CUX1: variants seen among roughly 807,000 people sequenced by gnomAD.
CUX1 encodes the protein cut like homeobox 1.
CUX1 carries 31 observed loss-of-function variants against 158.8 expected under a neutral mutation model. The ratio of observed to expected loss-of-function variants is 0.20; its 90% confidence interval spans 0.15 to 0.26. The LOEUF is 0.26. CUX1 is among the 10% of genes least tolerant of loss of function. The pLI is 1.00. For missense variants in CUX1, 1,589 were observed against 2,014.6 expected (o/e 0.79, Z 4.04); for synonymous variants, 879 against 862.1 (o/e 1.02, Z -0.34).
Position 102,163,420 on chromosome 7 carries a change from C to T in CUX1, c.723+4812C>T, listed in dbSNP as rs535540176. Among the ~76,000 whole-genome samples the T allele has an allele frequency of 8.6e-5, 13 of 152,024 alleles. No homozygotes were observed. In the South Asian group the frequency reaches 2.7e-3, roughly 32 times the overall value. On this transcript the variant is annotated intron_variant, in intron 9 of 23. Coordinates refer to ENST00000292535, the MANE Select transcript of CUX1 (RefSeq NM_181552.4). ...CTGAGATGGGAGGATCTCTTGGGCCCGAGAGTTCAAAACCAACACCAGAGA... is the reference window on the plus strand; with the variant it reads ...CTGAGATGGGAGGATCTCTTGGGCCTGAGAGTTCAAAACCAACACCAGAGA...
chr7:101,932,757 A>G (rs1806429242), intron 2 of CUX1: 3 of 387,260 alleles, frequency 7.7e-6, no homozygotes, highest in South Asian at 3.8e-5. Flanking sequence ...AAGAAAAAAT[A>G]CTGTTTCACT....
At position 101,830,272 on chromosome 7, in the gene CUX1, G is replaced by T. The variant is rs527519224; in HGVS notation, c.30+12603G>T. 6.6e-5 allele frequency among the ~76,000 whole-genome samples: 10 copies of T among 152,320 alleles called. No individual in the cohort carries two copies. The South Asian group carries it at 2.1e-3, about 32-fold the overall frequency. On this transcript the variant is annotated intron_variant, in intron 1 of 23. Transcript: ENST00000292535. Reference sequence around the variant, plus strand: ...GGCAGCACCCACCACGCAGGCTTCTGTTCTGAGCTACATGGGATGTTGGGC... The same window carrying T: ...GGCAGCACCCACCACGCAGGCTTCTTTTCTGAGCTACATGGGATGTTGGGC...
At chr7:102,032,018 C>T (rs1318696694) in intron 3 of CUX1, among the ~76,000 whole-genome samples, 1 of 151,746 alleles carries the variant, frequency 6.6e-6, no homozygotes, top group Non-Finnish European at 1.5e-5. Context: ...CTCTGCCTCC[C>T]TGGCTCAAGC....
At chr7:102,182,604 G>A (rs1358656436) in intron 11 of CUX1, among the ~76,000 whole-genome samples, 2 of 152,194 alleles carry the variant, frequency 1.3e-5, no homozygotes, top group South Asian at 2.1e-4. Context: ...GGAAACAGAC[G>A]CAAAAGTGGA....
intron 1 of CUX1, among the ~76,000 whole-genome samples, chr7:101,842,870 C>CTTT (rs746639349): frequency 2.4e-4 from 23 of 95,646 alleles, no homozygotes; most frequent in Non-Finnish European, 3.7e-4. Flanking sequence ...TAAAATTATT[C>CTTT]TATTTTTTTT....
intron 3 of CUX1, among the ~76,000 whole-genome samples, chr7:102,064,679 G>A (rs1825341830): frequency 6.6e-6 from 1 of 152,186 alleles, no homozygotes; most frequent in Non-Finnish European, 1.5e-5. Flanking sequence ...TGGACACCTG[G>A]GGGGAAGCTG....
At position 102,097,426 on chromosome 7, in the gene CUX1, A is replaced by G; in HGVS notation, c.331A>G (p.Ile111Val). Residue 111 changes from isoleucine (I) to valine (V), a missense_variant, in exon 5 of 24, where the codon ATT becomes GTT. Ile to Val is a conservative substitution (Grantham distance 29). Transcript: ENST00000292535. ...GCTCAAAGTGCAGCGCCTGCACGAT[A>G]TTGAAACAGAGAACCAGAAACTTAG... is the stretch of plus-strand genomic sequence containing the variant. ...LQLKVQRLHD[I>V]ETENQKLRET... 3.1e-6 allele frequency: 5 copies of G among 1,613,762 alleles called. No individual in the cohort carries two copies. The highest frequency in any genetic ancestry group is 1.1e-5 in the South Asian group (1 of 90,946).
chr7:102,016,542 C>T (rs1818612443), intron 2 of CUX1, among the ~76,000 whole-genome samples: 2 of 152,190 alleles, frequency 1.3e-5, no homozygotes, highest in Admixed American at 1.3e-4. Flanking sequence ...AATAATGATA[C>T]TCCAGATTAC....
intron 2 of CUX1, among the ~76,000 whole-genome samples, chr7:101,983,342 A>T (rs770996945): frequency 2.0e-5 from 3 of 152,182 alleles, no homozygotes; most frequent in Non-Finnish European, 4.4e-5. Context: ...TGTGGTCTCC[A>T]GCCCCAGGAA....
At chr7:102,108,204 C>A (rs766792734) in intron 6 of CUX1, among the ~76,000 whole-genome samples, 1 of 152,086 alleles carries the variant, frequency 6.6e-6, no homozygotes, top group East Asian at 1.9e-4. Flanking sequence ...ACATGAGAAA[C>A]GTACCTAATA....
intron 18 of CUX1, 51 bp downstream of exon 18, chr7:102,202,255 G>A: frequency 6.5e-7 from 1 of 1,544,260 alleles, no homozygotes; most frequent in Non-Finnish European, 8.7e-7. Context: ...TCTCCTTGCT[G>A]AGGACCAAGT....
chr7:102,134,862 C>G (rs1833724319), intron 8 of CUX1, among the ~76,000 whole-genome samples: 1 of 152,172 alleles, frequency 6.6e-6, no homozygotes, highest in African/African-American at 2.4e-5. Flanking sequence ...TCCCGAAGTT[C>G]TGGGATTACA....
intron 2 of CUX1, among the ~76,000 whole-genome samples, chr7:102,019,883 G>C (rs532736718): frequency 1.3e-5 from 2 of 152,124 alleles, no homozygotes; most frequent in Admixed American, 1.3e-4. Context: ...CATTTTATCC[G>C]ACTACAAAAG....
intron 2 of CUX1, among the ~76,000 whole-genome samples, chr7:102,002,543 G>A (rs976950884): frequency 1.3e-5 from 2 of 152,184 alleles, no homozygotes; most frequent in African/African-American, 4.8e-5. Context: ...ACTTACTAGC[G>A]AGAGTTCCGA....
chr7:102,035,327 C>T (rs1821304658), intron 3 of CUX1, among the ~76,000 whole-genome samples: 1 of 151,990 alleles, frequency 6.6e-6, no homozygotes, highest in South Asian at 2.1e-4. Flanking sequence ...CTGGTGAATA[C>T]CTGATGATAA....
At chr7:102,151,137 A>G (rs1029549831) in intron 8 of CUX1, among the ~76,000 whole-genome samples, 8 of 152,222 alleles carry the variant, frequency 5.3e-5, no homozygotes, top group Admixed American at 2.0e-4. Context: ...TTCCAAGATT[A>G]CATTTACAGT....
intron 1 of CUX1, among the ~76,000 whole-genome samples, chr7:101,896,377 CAGAAACGT>C (rs1801522098): frequency 6.6e-6 from 1 of 152,112 alleles, no homozygotes; most frequent in Admixed American, 6.6e-5. Flanking sequence ...TGTGCGTTTG[CAGAAACGT>C]GAATGGGTGA....
intron 8 of CUX1, among the ~76,000 whole-genome samples, chr7:102,137,189 A>G (rs1833998732): frequency 6.6e-6 from 1 of 152,124 alleles, no homozygotes; most frequent in Admixed American, 6.6e-5. Flanking sequence ...TTTCCATGTT[A>G]ATCAAATGCT....
At chr7:101,824,881 T>G (rs567675438) in intron 1 of CUX1, among the ~76,000 whole-genome samples, 1 of 152,358 alleles carries the variant, frequency 6.6e-6, no homozygotes, top group South Asian at 2.1e-4. Context: ...AAGACTTTCG[T>G]TCTCCCTCTG....
Sources: gnomAD v4.1 joint callset for allele counts (sites outside exome capture counted in the v4.1 genomes callset) on GRCh38, gnomAD v4.1.1 for gene constraint, MANE v1.5 for transcripts, NCBI Gene and HGNC (gene_info 2026-07-23, HGNC 2026-07-21) for gene names.